Variants in SESTD1 observed in about 807,000 individuals in gnomAD.
The protein encoded by SESTD1 is SEC14 and spectrin domain containing 1.
A neutral mutation model predicts 101.7 loss-of-function variants in SESTD1; 43 were observed. That is an observed-to-expected ratio of 0.42 (90% confidence interval 0.33 to 0.55). The LOEUF is 0.55. SESTD1 is among the 20% of genes least tolerant of loss of function. SESTD1 has a pLI of 0.07. For synonymous variants in SESTD1, 283 were observed against 286.8 expected, an observed-to-expected ratio of 0.99 and a Z score of 0.13; for missense variants, 647 against 815.1, an observed-to-expected ratio of 0.79 and a Z score of 2.51.
chr2:179,239,056 AAATT>A (rs1379531585), intron 1 of SESTD1, among the ~76,000 whole-genome samples: 10 of 152,188 alleles, frequency 6.6e-5, no homozygotes, highest in African/African-American at 1.4e-4. Context: ...CTGTAGCAGT[AAATT>A]ATTTATTATC....
chr2:179,247,316 A>G (rs1386334609), intron 1 of SESTD1, among the ~76,000 whole-genome samples: 5 of 152,164 alleles, frequency 3.3e-5, no homozygotes, highest in Non-Finnish European at 7.3e-5. Context: ...GGATAAGCAT[A>G]TTAAAAAATA....
intron 1 of SESTD1, among the ~76,000 whole-genome samples, chr2:179,194,041 C>T (rs1399954961): frequency 6.6e-6 from 1 of 152,158 alleles, no homozygotes. Context: ...TATTCTCTGG[C>T]CCCACTGGCT....
chr2:179,189,336 A>T (rs2046285193), intron 2 of SESTD1, among the ~76,000 whole-genome samples: 1 of 152,210 alleles, frequency 6.6e-6, no homozygotes, highest in African/African-American at 2.4e-5. Context: ...TCATCTCAAT[A>T]GATGCAGAAA....
chr2:179,230,255 C>T (rs1441530541), intron 1 of SESTD1, among the ~76,000 whole-genome samples: 1 of 150,496 alleles, frequency 6.6e-6, no homozygotes, highest in Non-Finnish European at 1.5e-5. Context: ...CCCACCTCAA[C>T]CTCCTCAGTA....
chr2:179,230,754 GAATT>G (rs751551268), intron 1 of SESTD1, among the ~76,000 whole-genome samples: 16 of 151,410 alleles, frequency 1.1e-4, no homozygotes, highest in Non-Finnish European at 1.9e-4. Context: ...TATTAGAACA[GAATT>G]AATATTTAAA....
chr2:179,192,720 T>C (rs1490663203), intron 1 of SESTD1, among the ~76,000 whole-genome samples: 2 of 152,216 alleles, frequency 1.3e-5, no homozygotes, highest in Non-Finnish European at 2.9e-5. Flanking sequence ...CAGCCCAGTA[T>C]ACCATCAAAT....
chr2:179,202,520 C>A (rs924776352), intron 1 of SESTD1, among the ~76,000 whole-genome samples: 1 of 134,456 alleles, frequency 7.4e-6, no homozygotes, highest in Non-Finnish European at 1.6e-5. Flanking sequence ...TATGCTGTTC[C>A]TAAGAGTCAT....
Position 179,199,224 on chromosome 2 carries a change from C to G in SESTD1, c.-25-7358G>C, listed in dbSNP as rs555741120. ...ATCTAGAAGAAATGGATAAATTCCT[C>G]GACACATACACTCTCCCAAGACTAA... On this transcript the variant is annotated intron_variant, in intron 1 of 17. Transcript: ENST00000428443. Among the ~76,000 whole-genome samples the G allele has an allele frequency of 5.4e-4, 82 of 151,714 alleles. 1 individual carries two copies. Among genetic ancestry groups the G allele is most frequent in the Admixed American group, 6.6e-5 (1 of 15,256 alleles).
intron 1 of SESTD1, among the ~76,000 whole-genome samples, 158 bp from the exon 2 acceptor site, chr2:179,192,024 G>A (rs2046327091): frequency 6.6e-6 from 1 of 152,094 alleles, no homozygotes; most frequent in Non-Finnish European, 1.5e-5. Context: ...GTGCATTGTA[G>A]AATAGTTTGC....
chr2:179,259,387 AC>A (rs1190221288), intron 1 of SESTD1, among the ~76,000 whole-genome samples: 1 of 151,788 alleles, frequency 6.6e-6, no homozygotes, highest in African/African-American at 2.4e-5. Flanking sequence ...CCCCCACGAC[AC>A]CCGACTAATT....
At chr2:179,117,483 C>A in intron 14 of SESTD1, 49 bp downstream of exon 14, 1 of 1,474,088 alleles carries the variant, frequency 6.8e-7, no homozygotes, top group South Asian at 1.3e-5. Flanking sequence ...TAGATAAAAT[C>A]AATCTTCTAA....
chr2:179,115,149 T>G lies in SESTD1; in HGVS notation c.1755A>C (p.Arg585Ser), dbSNP rs760531192. Residue 585 changes from arginine (R) to serine (S), a missense_variant, in exon 16 of 18, where the codon AGA becomes AGC. Arg to Ser is a moderately radical substitution (Grantham distance 110). Coordinates refer to ENST00000428443, the MANE Select transcript of SESTD1 (RefSeq NM_178123.5). The stretch of plus-strand genomic sequence containing the variant: ...ATGCTATTGTAAATTGTTTCCATAC[T>G]CTGTTCAGTCGAGGAAGTGTATCCC... The part of the protein sequence containing the change: ...SSGDTLPRLN[R>S]VWKQFTIASE... 6.2e-7 allele frequency: 1 copy of G among 1,614,006 alleles called. No individual in the cohort carries two copies. The highest frequency in any genetic ancestry group is 2.2e-5 in the East Asian group (1 of 44,868).
intron 5 of SESTD1, among the ~76,000 whole-genome samples, chr2:179,154,225 G>A (rs1026880419): frequency 5.7e-5 from 8 of 140,014 alleles, no homozygotes; most frequent in African/African-American, 7.8e-5. Context: ...AGAACCCCAT[G>A]AAGAAAAGAA....
chr2:179,150,846 C>G (rs2045510221), intron 6 of SESTD1, among the ~76,000 whole-genome samples: 1 of 151,986 alleles, frequency 6.6e-6, no homozygotes, highest in Admixed American at 6.6e-5. Flanking sequence ...AATTATGCTA[C>G]TGTTATTCTA....
At chr2:179,163,085 A>T (rs1465612148) in intron 5 of SESTD1, among the ~76,000 whole-genome samples, 3 of 152,142 alleles carry the variant, frequency 2.0e-5, no homozygotes, top group African/African-American at 7.2e-5. Context: ...CAAAGTTTAT[A>T]ACTTATGGAT....
At chr2:179,203,366 C>T (rs1242328982) in intron 1 of SESTD1, among the ~76,000 whole-genome samples, 1 of 133,868 alleles carries the variant, frequency 7.5e-6, no homozygotes, top group East Asian at 2.0e-4. Flanking sequence ...GGCAGTACCA[C>T]CCATGACACC....
chr2:179,116,659 G>A lies in SESTD1; in HGVS notation c.1647+9C>T. 1 of 1,614,048 alleles carries A rather than the reference G, an allele frequency of 6.2e-7. No homozygotes were observed. Among genetic ancestry groups the A allele is most frequent in the Non-Finnish European group, 8.5e-7 (1 of 1,179,964 alleles). ...AGCTTGTGGAAAAGGAAGATAACCAGTTTTGCACCTGTGCAACATCAACAA... is the reference window on the plus strand; with the variant it reads ...AGCTTGTGGAAAAGGAAGATAACCAATTTTGCACCTGTGCAACATCAACAA... On this transcript the variant is annotated intron_variant, in intron 15 of 17. Transcript: ENST00000428443.
intron 1 of SESTD1, among the ~76,000 whole-genome samples, chr2:179,200,100 C>T (rs564121343): frequency 6.6e-6 from 1 of 152,112 alleles, no homozygotes; most frequent in East Asian, 1.9e-4. Context: ...AATGAATGTA[C>T]AAAAATCACA....
rs960677425 is a variant in SESTD1, at chr2:179,105,141, G to A, written c.*4758C>T. 1.3e-5 allele frequency: 2 copies of A among 150,514 alleles called. No homozygotes were observed. Among genetic ancestry groups the A allele is most frequent in the African/African-American group, 4.9e-5 (2 of 40,884 alleles). The allele number at this position is 150,514 out of a possible 1,614,324, so 9.3% of individuals were successfully genotyped here. A position where few individuals can be genotyped will look rare whatever the true frequency, so the allele number is the denominator to read the frequency against. ...AAGAGACTGCTCCTCTCTAAGCATA[G>A]CCAGCACTAATTGTGGTCTTTTCAT... On this transcript the variant is annotated 3_prime_UTR_variant, in exon 18 of 18. Transcript: ENST00000428443.
Sources: allele counts gnomAD v4.1 joint callset (sites outside exome capture counted in the v4.1 genomes callset), GRCh38; gene constraint gnomAD v4.1.1; transcripts MANE v1.5; gene names NCBI Gene and HGNC (gene_info 2026-07-23, HGNC 2026-07-21).